Variants in SCHIP1 observed in about 807,000 individuals in gnomAD.
The protein encoded by SCHIP1 is schwannomin interacting protein 1.
SCHIP1 carries 8 observed loss-of-function variants against 29.7 expected under a neutral mutation model. The observed-to-expected ratio is 0.27, with a 90% CI of 0.16 to 0.49. SCHIP1 has a LOEUF of 0.49. Ranked by LOEUF, SCHIP1 falls within the 20% of genes least tolerant of loss-of-function variation. The pLI, the probability that SCHIP1 is intolerant of heterozygous loss-of-function variation, is 0.99. For synonymous variants in SCHIP1, 76 were observed against 94.9 expected, an observed-to-expected ratio of 0.80 and a Z score of 1.16; for missense variants, 193 against 294.6, an observed-to-expected ratio of 0.66 and a Z score of 2.52.
chr3:159,769,409 G>C, the SCHIP1 span, among the ~76,000 whole-genome samples: 2 of 152,208 alleles, frequency 1.3e-5, 1 homozygote, highest in South Asian at 4.1e-4. Flanking sequence ...TGTCTAGCCT[G>C]TTCCCTGTCT....
At chr3:159,499,386 C>T in the SCHIP1 span, among the ~76,000 whole-genome samples, 1 of 152,172 alleles carries the variant, frequency 6.6e-6, no homozygotes, top group African/African-American at 2.4e-5. Flanking sequence ...GGTAGGCTTT[C>T]TTCTGCATAC....
At chr3:159,593,355 C>T in the SCHIP1 span, among the ~76,000 whole-genome samples, 1 of 152,080 alleles carries the variant, frequency 6.6e-6, no homozygotes, top group Non-Finnish European at 1.5e-5. Flanking sequence ...GTACCTCATC[C>T]TAACCCAGCC....
the SCHIP1 span, among the ~76,000 whole-genome samples, chr3:159,762,478 T>C: frequency 1.3e-5 from 2 of 152,190 alleles, no homozygotes; most frequent in African/African-American, 4.8e-5. Context: ...TCCCCTCTTC[T>C]TCCATCTGGA....
chr3:159,798,483 C>T, the SCHIP1 span, among the ~76,000 whole-genome samples: 6 of 151,748 alleles, frequency 4.0e-5, no homozygotes, highest in South Asian at 8.3e-4. Flanking sequence ...CAAGGCCAGG[C>T]GCAGTGGTTC....
the SCHIP1 span, among the ~76,000 whole-genome samples, chr3:159,705,568 G>A: frequency 1.3e-5 from 2 of 152,098 alleles, no homozygotes; most frequent in African/African-American, 2.4e-5. Flanking sequence ...ATAGGGGAGA[G>A]GAGAACCTGA....
the SCHIP1 span, among the ~76,000 whole-genome samples, chr3:159,566,110 T>C: frequency 6.6e-6 from 1 of 152,190 alleles, no homozygotes; most frequent in Non-Finnish European, 1.5e-5. Flanking sequence ...TTTTTTTAAC[T>C]AAAACATTGC....
the SCHIP1 span, among the ~76,000 whole-genome samples, chr3:159,557,715 G>A: frequency 7.1e-3 from 1,082 of 152,220 alleles, 14 homozygotes; most frequent in African/African-American, 0.025. Flanking sequence ...CTGAAAATTC[G>A]ATCCCTTAAA....
chr3:159,637,161 T>C, the SCHIP1 span, among the ~76,000 whole-genome samples: 83 of 152,326 alleles, frequency 5.4e-4, no homozygotes, highest in African/African-American at 1.8e-3. Context: ...TTTTCATTGT[T>C]CTTTAATAAG....
chr3:159,624,087 T>C, the SCHIP1 span, among the ~76,000 whole-genome samples: 1 of 152,174 alleles, frequency 6.6e-6, no homozygotes, highest in Non-Finnish European at 1.5e-5. Context: ...GAAATATGTA[T>C]AGTGCAAAAT....
At chr3:159,399,242 G>T in the SCHIP1 span, among the ~76,000 whole-genome samples, 6 of 152,234 alleles carry the variant, frequency 3.9e-5, no homozygotes, top group South Asian at 1.2e-3. Flanking sequence ...GTTTAAAATT[G>T]TAATCACAGC....
the SCHIP1 span, among the ~76,000 whole-genome samples, chr3:159,450,304 A>C: frequency 6.6e-6 from 1 of 152,188 alleles, no homozygotes; most frequent in Admixed American, 6.5e-5. Context: ...TTTCATCCGT[A>C]AGTTCTATTG....
the SCHIP1 span, among the ~76,000 whole-genome samples, chr3:159,371,454 C>A: frequency 6.6e-6 from 1 of 152,092 alleles, no homozygotes; most frequent in Non-Finnish European, 1.5e-5. Context: ...AGTTATATAG[C>A]AATTTATCAA....
chr3:159,634,115 A>G, the SCHIP1 span, among the ~76,000 whole-genome samples: 1 of 152,184 alleles, frequency 6.6e-6, no homozygotes, highest in Non-Finnish European at 1.5e-5. Flanking sequence ...TAGGGGGTAA[A>G]TTAGAGAGCT....
At chr3:159,366,816 T>C in the SCHIP1 span, among the ~76,000 whole-genome samples, 208 of 152,304 alleles carry the variant, frequency 1.4e-3, 1 homozygote, top group African/African-American at 4.6e-3. Flanking sequence ...TTTCAAAAGA[T>C]GCTTTTGATA....
At chr3:159,527,850 C>T in the SCHIP1 span, among the ~76,000 whole-genome samples, 6 of 152,196 alleles carry the variant, frequency 3.9e-5, no homozygotes, top group East Asian at 1.9e-4. Flanking sequence ...ATATTTCAGC[C>T]GTGAGGTTAG....
the SCHIP1 span, among the ~76,000 whole-genome samples, chr3:159,336,624 T>C: frequency 6.6e-6 from 1 of 152,214 alleles, no homozygotes; most frequent in Admixed American, 6.5e-5. Context: ...TTCTTGTTTT[T>C]ATCAGGTTTG....
At chr3:159,581,112 T>C in the SCHIP1 span, among the ~76,000 whole-genome samples, 1 of 152,160 alleles carries the variant, frequency 6.6e-6, no homozygotes, top group Admixed American at 6.6e-5. Flanking sequence ...TAATAAAATT[T>C]GGGGAAGACG....
chr3:159,367,620 G>A, the SCHIP1 span, among the ~76,000 whole-genome samples: 1 of 152,078 alleles, frequency 6.6e-6, no homozygotes, highest in Non-Finnish European at 1.5e-5. Flanking sequence ...TGTATAGCCT[G>A]CATAGAGTTA....
the SCHIP1 span, among the ~76,000 whole-genome samples, chr3:159,546,592 G>A: frequency 6.6e-5 from 10 of 152,126 alleles, no homozygotes; most frequent in Admixed American, 3.3e-4. Flanking sequence ...CTGCTGACAG[G>A]CCCTGGTGTG....
Sources: allele counts gnomAD v4.1 joint callset (sites outside exome capture counted in the v4.1 genomes callset), GRCh38; gene constraint gnomAD v4.1.1; transcripts MANE v1.5; gene names NCBI Gene and HGNC (gene_info 2026-07-23, HGNC 2026-07-21).